MCOLN2: variants seen among roughly 807,000 people sequenced by gnomAD.
The protein encoded by MCOLN2 is mucolipin TRP cation channel 2, also known as mucolipin-2.
In MCOLN2, 57 loss-of-function variants were observed where a neutral mutation model predicts 67.5. The observed-to-expected ratio is 0.84, with a 90% CI of 0.68 to 1.05. MCOLN2 has a LOEUF of 1.05. Ranked by LOEUF, MCOLN2 falls within the 50% of genes least tolerant of loss-of-function variation. The probability of loss-of-function intolerance (pLI) is 0.00; values close to 1 mark genes in which losing one functional copy is unlikely to be tolerated. For synonymous variants in MCOLN2, 246 were observed against 233.3 expected, an observed-to-expected ratio of 1.05 and a Z score of -0.50; for missense variants, 620 against 678.8, an observed-to-expected ratio of 0.91 and a Z score of 0.96.
rs1440172819 is a variant in MCOLN2 at position 84,957,819 on chromosome 1, G to A, written c.411+710C>T. Among the ~76,000 whole-genome samples, 9 of 152,256 alleles carry A rather than the reference G, an allele frequency of 5.9e-5. No individual in the cohort carries two copies. The East Asian group carries it at 1.5e-3, about 26-fold the overall frequency. ...TCCAGAATTAAGCTCTATAAAGGAA[G>A]GCGCTTTGTCTGTTTTATTCACTGA... On this transcript the variant is annotated intron_variant, in intron 3 of 13. Transcript: ENST00000370608.
intron 6 of MCOLN2, among the ~76,000 whole-genome samples, chr1:84,949,621 G>A (rs1330408003): frequency 6.6e-6 from 1 of 152,020 alleles, no homozygotes; most frequent in Non-Finnish European, 1.5e-5. Flanking sequence ...CTCCAGCCTG[G>A]GCAACAGAGC....
chr1:84,960,916 CTT>C (rs1179808855), intron 2 of MCOLN2, among the ~76,000 whole-genome samples: 3 of 152,172 alleles, frequency 2.0e-5, no homozygotes, highest in African/African-American at 7.2e-5. Flanking sequence ...AATAACAACT[CTT>C]ATCTGTTGAG....
intron 8 of MCOLN2, 101 bp downstream of exon 8, chr1:84,940,778 G>T: frequency 1.5e-6 from 1 of 685,590 alleles, no homozygotes; most frequent in East Asian, 2.8e-5. Context: ...TTAGTCAAAG[G>T]TCTCCAAAAA....
rs534921275 is a variant in MCOLN2, at chr1:84,940,368, G to A, written c.960+511C>T. 8.5e-5 allele frequency among the ~76,000 whole-genome samples: 13 copies of A among 152,204 alleles called. No homozygotes were observed. The East Asian group carries it at 1.5e-3, about 18-fold the overall frequency. ...AGCCAGAATAAGATATGTGGGGAGCGGAAGTATATATTCATAAGAGCCCTG... is the reference window on the plus strand; with the variant it reads ...AGCCAGAATAAGATATGTGGGGAGCAGAAGTATATATTCATAAGAGCCCTG... On this transcript the variant is annotated intron_variant, in intron 8 of 13. Transcript: ENST00000370608.
intron 1 of MCOLN2, among the ~76,000 whole-genome samples, chr1:84,989,889 C>G (rs776247252): frequency 8.5e-5 from 13 of 152,150 alleles, no homozygotes; most frequent in Non-Finnish European, 1.3e-4. Context: ...TACTAACAAT[C>G]AGGTTGGTAA....
At chr1:84,987,987 C>A (rs1427803626) in intron 1 of MCOLN2, among the ~76,000 whole-genome samples, 1 of 151,994 alleles carries the variant, frequency 6.6e-6, no homozygotes, top group Non-Finnish European at 1.5e-5. Flanking sequence ...GTGATGGGTG[C>A]ACAAAAATTT....
At chr1:84,972,092 G>C (rs1407942800) in intron 1 of MCOLN2, 1 of 152,152 alleles carries the variant, frequency 6.6e-6, no homozygotes, top group East Asian at 1.9e-4. Context: ...TAAGTCAGCA[G>C]ACGGCAGAAA....
rs147822888 is a variant in MCOLN2 at position 84,990,508 on chromosome 1, T to C, written c.77+6288A>G. The stretch of plus-strand genomic sequence containing the variant: ...AAATTTTAAAATAATGAGTTAGTTA[T>C]AGAAATGTTAATTGCGGCCCTATTC... On this transcript the variant is annotated intron_variant, in intron 1 of 13. Coordinates refer to ENST00000370608, the MANE Select transcript of MCOLN2 (RefSeq NM_153259.4). Among the ~76,000 whole-genome samples, 422 of 152,174 alleles carry C rather than the reference T, an allele frequency of 2.8e-3. 1 individual carries two copies. The highest frequency in any genetic ancestry group is 0.017 in the Middle Eastern group (5 of 294).
Position 84,988,493 on chromosome 1 carries a change from C to T in MCOLN2, c.77+8303G>A, listed in dbSNP as rs112824077. 6.6e-4 allele frequency among the ~76,000 whole-genome samples: 100 copies of T among 152,210 alleles called. 3 individuals carry two copies. Among genetic ancestry groups the T allele is most frequent in the East Asian group, 6.4e-3 (33 of 5,180 alleles). ...CTAATGTGTAGCAAAGTATACTTTG[C>T]TCTAAAGTATACTGCTCTAAAGTAT... On this transcript the variant is annotated intron_variant, in intron 1 of 13. Transcript: ENST00000370608.
intron 7 of MCOLN2, among the ~76,000 whole-genome samples, chr1:84,945,358 G>A (rs1243827458): frequency 6.6e-6 from 1 of 150,540 alleles, no homozygotes; most frequent in Non-Finnish European, 1.5e-5. Flanking sequence ...TAGAAAATAT[G>A]CCCCTGATCT....
intron 1 of MCOLN2, among the ~76,000 whole-genome samples, chr1:84,973,219 G>A (rs925253204): frequency 6.6e-6 from 1 of 152,172 alleles, no homozygotes; most frequent in Non-Finnish European, 1.5e-5. Context: ...GCTCATGTCT[G>A]TAATCTCAAC....
At chr1:84,938,420 T>A (rs919860548) in intron 9 of MCOLN2, among the ~76,000 whole-genome samples, 2 of 152,216 alleles carry the variant, frequency 1.3e-5, no homozygotes, top group Admixed American at 1.3e-4. Flanking sequence ...AGGATACAAA[T>A]TAATGGTGTT....
chr1:84,939,597 T>A lies in MCOLN2; in HGVS notation c.1066A>T (p.Met356Leu). 1.9e-6 allele frequency: 3 copies of A among 1,614,112 alleles called. No individual in the cohort carries two copies. The highest frequency in any genetic ancestry group is 1.1e-5 in the South Asian group (1 of 91,080). Residue 356 changes from methionine (M) to leucine (L), a missense_variant, in exon 9 of 14, where the codon ATG (methionine) becomes TTG (leucine). Transcript: ENST00000370608. ...TTTAATATGGAGCCAATGATTGTCA[T>A]TAGGTCGCTGATAATCACCAGGACA... ...WYVLVIISDL[M>L]TIIGSILKME...
intron 7 of MCOLN2, among the ~76,000 whole-genome samples, chr1:84,942,504 A>G (rs530015270): frequency 6.6e-6 from 1 of 152,324 alleles, no homozygotes; most frequent in South Asian, 2.1e-4. Flanking sequence ...GCAAGTTCAT[A>G]TACAAAGAGC....
intron 6 of MCOLN2, among the ~76,000 whole-genome samples, chr1:84,949,896 A>C (rs1228858879): frequency 6.6e-6 from 1 of 152,240 alleles, no homozygotes; most frequent in Non-Finnish European, 1.5e-5. Flanking sequence ...AGCTGAGGGA[A>C]TTTTCACCAC....
chr1:84,986,668 A>AG (rs34035736), intron 1 of MCOLN2, among the ~76,000 whole-genome samples: 1 of 152,108 alleles, frequency 6.6e-6, no homozygotes. Flanking sequence ...AGAATCTACA[A>AG]GGAACTCAAA....
At chr1:84,938,530 GAA>G in intron 9 of MCOLN2, among the ~76,000 whole-genome samples, 1 of 152,338 alleles carries the variant, frequency 6.6e-6, no homozygotes, top group Non-Finnish European at 1.5e-5. Flanking sequence ...AGGGCTAGTT[GAA>G]AAGACAAACA....
chr1:84,927,859 A>G (rs1046570039), intron 13 of MCOLN2, among the ~76,000 whole-genome samples: 13 of 152,198 alleles, frequency 8.5e-5, no homozygotes, highest in Admixed American at 6.5e-4. Flanking sequence ...GGCTCAAGCA[A>G]TCCTTCTGCC....
chr1:84,965,192 T>C (rs668263), intron 2 of MCOLN2, among the ~76,000 whole-genome samples: 53,832 of 152,136 alleles, frequency 0.35, 9,914 homozygotes, highest in African/African-American at 0.43. Flanking sequence ...CTTAGGATTC[T>C]ATAAGTCTGA....
Sources: allele counts gnomAD v4.1 joint callset (sites outside exome capture counted in the v4.1 genomes callset), GRCh38; gene constraint gnomAD v4.1.1; transcripts MANE v1.5; gene names NCBI Gene and HGNC (gene_info 2026-07-23, HGNC 2026-07-21).